The following CDC42BPA variants were observed in gnomAD, a reference collection of about 807,000 sequenced individuals.
The protein encoded by CDC42BPA is CDC42 binding protein kinase alpha.
In CDC42BPA, 80 loss-of-function variants were observed where a neutral mutation model predicts 223.5. The observed-to-expected ratio is 0.36, with a 90% CI of 0.30 to 0.43. The LOEUF (loss-of-function observed/expected upper bound fraction) is 0.43, where lower values mean the gene tolerates loss of function less well. Among genes scored for constraint, CDC42BPA ranks in the 20% least tolerant of loss-of-function variants. The pLI is 1.00. For missense variants in CDC42BPA, 1,743 were observed against 2,099.9 expected, an observed-to-expected ratio of 0.83 and a Z score of 3.32; for synonymous variants, 694 against 718.6, an observed-to-expected ratio of 0.97 and a Z score of 0.55.
At chr1:227,148,524 A>G (rs1265499865) in intron 6 of CDC42BPA, among the ~76,000 whole-genome samples, 2 of 152,094 alleles carry the variant, frequency 1.3e-5, no homozygotes, top group Non-Finnish European at 2.9e-5. Context: ...AGATTAAATG[A>G]CTTGAAAACC....
At chr1:227,229,176 T>C (rs1413067844) in intron 2 of CDC42BPA, among the ~76,000 whole-genome samples, 1 of 152,182 alleles carries the variant, frequency 6.6e-6, no homozygotes, top group Non-Finnish European at 1.5e-5. Flanking sequence ...CTATGATCTA[T>C]ATTGAGTTAA....
chr1:227,267,515 T>C (rs1302974918), intron 1 of CDC42BPA, among the ~76,000 whole-genome samples: 1 of 152,246 alleles, frequency 6.6e-6, no homozygotes, highest in African/African-American at 2.4e-5. Context: ...GATAGATGCC[T>C]GCTAATGAAT....
chr1:227,197,437 C>T (rs887657760), intron 4 of CDC42BPA, among the ~76,000 whole-genome samples: 5 of 152,048 alleles, frequency 3.3e-5, no homozygotes, highest in Non-Finnish European at 7.4e-5. Flanking sequence ...CCTCCAGTTA[C>T]GTCTTTAATT....
chr1:227,174,044 A>G (rs1041826635), intron 5 of CDC42BPA, among the ~76,000 whole-genome samples: 2 of 152,134 alleles, frequency 1.3e-5, no homozygotes, highest in African/African-American at 4.8e-5. Context: ...CTAATTGTGC[A>G]CATCCTGAGT....
At chr1:227,132,359 C>T (rs1394923509) in intron 10 of CDC42BPA, among the ~76,000 whole-genome samples, 3 of 152,058 alleles carry the variant, frequency 2.0e-5, no homozygotes, top group Non-Finnish European at 4.4e-5. Context: ...TCTCCAGCTC[C>T]TAACCGCGAG....
chr1:227,019,414 T>C (rs1558296381), intron 32 of CDC42BPA, among the ~76,000 whole-genome samples: 1 of 152,208 alleles, frequency 6.6e-6, no homozygotes, highest in Non-Finnish European at 1.5e-5. Flanking sequence ...AAGTCATCTA[T>C]GAGGGCTGGA....
At chr1:227,246,958 T>C (rs753760149) in intron 2 of CDC42BPA, among the ~76,000 whole-genome samples, 36 of 152,234 alleles carry the variant, frequency 2.4e-4, no homozygotes, top group Admixed American at 1.4e-3. Context: ...CCCAGCACCA[T>C]GGGAGGCCGA....
intron 4 of CDC42BPA, among the ~76,000 whole-genome samples, chr1:227,195,894 A>C (rs6426585): frequency 6.6e-6 from 1 of 151,978 alleles, no homozygotes; most frequent in African/African-American, 2.4e-5. Context: ...AGCCCCTTCC[A>C]ATTGTTAAGA....
rs987645443 is a variant in CDC42BPA at position 227,315,214 on chromosome 1, G to A, written c.178+1791C>T. ...ATAATACTCAGCCAAATACTTATTT[G>A]ATATTTGGCTTATATAAAAATATAC... On this transcript the variant is annotated intron_variant, in intron 1 of 36. Transcript: ENST00000366766. Among the ~76,000 whole-genome samples, 12 of 148,568 alleles carry A rather than the reference G, an allele frequency of 8.1e-5. 1 individual carries two copies. The highest frequency in any genetic ancestry group is 3.4e-3 in the Middle Eastern group (1 of 290).
intron 17 of CDC42BPA, 133 bp downstream of exon 17, chr1:227,080,760 G>A: frequency 1.0e-6 from 1 of 986,270 alleles, no homozygotes; most frequent in Non-Finnish European, 1.6e-6. Flanking sequence ...ATAAAACTGT[G>A]CTTTTCAGAG....
intron 24 of CDC42BPA, among the ~76,000 whole-genome samples, chr1:227,038,162 ATAGTGATTAAGTCT>A (rs1670652010): frequency 9.1e-6 from 1 of 109,744 alleles, no homozygotes; most frequent in Non-Finnish European, 2.0e-5. Flanking sequence ...TGCTCTGGTG[ATAGTGATTAAGTCT>A]CGTGAAATCT....
chr1:227,196,338 CT>C (rs34352900), intron 4 of CDC42BPA, among the ~76,000 whole-genome samples: 7 of 92,358 alleles, frequency 7.6e-5, no homozygotes, highest in African/African-American at 2.8e-4. Flanking sequence ...TTAAACAATA[CT>C]TTTTTTTTTT....
intron 35 of CDC42BPA, among the ~76,000 whole-genome samples, chr1:226,995,996 C>T (rs895553636): frequency 6.6e-6 from 1 of 152,182 alleles, no homozygotes. Context: ...TAAAGCAGCA[C>T]ATTTATCTAA....
chr1:226,995,570 A>G (rs977611600), intron 35 of CDC42BPA, among the ~76,000 whole-genome samples: 1 of 152,242 alleles, frequency 6.6e-6, no homozygotes, highest in African/African-American at 2.4e-5. Flanking sequence ...AAAACCATAA[A>G]GAAAACATAA....
intron 1 of CDC42BPA, 39 bp from the exon 2 acceptor site, chr1:227,254,194 A>G: frequency 9.7e-7 from 1 of 1,028,558 alleles, no homozygotes; most frequent in Non-Finnish European, 1.5e-6. Context: ...TTCTTAATAA[A>G]ATGTGATGCA....
At chr1:227,256,689 T>C (rs955208886) in intron 1 of CDC42BPA, among the ~76,000 whole-genome samples, 2 of 152,062 alleles carry the variant, frequency 1.3e-5, no homozygotes, top group African/African-American at 4.8e-5. Flanking sequence ...GAACCCTCAT[T>C]CATTGCTAGA....
chr1:227,245,284 C>CTTTTTTTTTTTTTTT (rs759666049), intron 2 of CDC42BPA, among the ~76,000 whole-genome samples: 4 of 81,786 alleles, frequency 4.9e-5, no homozygotes, highest in Non-Finnish European at 6.9e-5. Context: ...TGTCTTGCAT[C>CTTTTTTTTTTTTTTT]TTTTTTTTTT....
intron 34 of CDC42BPA, among the ~76,000 whole-genome samples, chr1:227,014,331 C>A (rs1665795053): frequency 6.6e-6 from 1 of 151,954 alleles, no homozygotes; most frequent in African/African-American, 2.4e-5. Context: ...GCACAGCCAA[C>A]CCTATTCCAA....
At chr1:227,228,073 T>C (rs1558814329) in intron 2 of CDC42BPA, among the ~76,000 whole-genome samples, 1 of 147,638 alleles carries the variant, frequency 6.8e-6, no homozygotes, top group Non-Finnish European at 1.5e-5. Context: ...TGAGAACACA[T>C]GGACTCAGGG....
Sources: gnomAD v4.1 joint callset for allele counts (sites outside exome capture counted in the v4.1 genomes callset) on GRCh38, gnomAD v4.1.1 for gene constraint, MANE v1.5 for transcripts, NCBI Gene and HGNC (gene_info 2026-07-23, HGNC 2026-07-21) for gene names.